The following KIF13B variants were observed in gnomAD, a reference collection of about 807,000 sequenced individuals.
KIF13B encodes the protein kinesin family member 13B.
In KIF13B, 127 loss-of-function variants were observed where a neutral mutation model predicts 222.0. The observed-to-expected ratio is 0.57, with a 90% CI of 0.50 to 0.66. The LOEUF (loss-of-function observed/expected upper bound fraction) is 0.66, where lower values mean the gene tolerates loss of function less well. Among genes scored for constraint, KIF13B ranks in the 30% least tolerant of loss-of-function variants. The pLI is 0.00. For missense variants in KIF13B, 2,173 were observed against 2,379.0 expected, an observed-to-expected ratio of 0.91 and a Z score of 1.80; for synonymous variants, 976 against 919.0, an observed-to-expected ratio of 1.06 and a Z score of -1.12.
chr8:29,123,363 T>C lies in KIF13B; in HGVS notation c.3479+3A>G. ...CTCACAAGACGCACCACAGGGTTCA[T>C]ACCATTCTGCTGGGGCCCCTGGAAT... On this transcript the variant is annotated splice_donor_region_variant and intron_variant, in intron 28 of 39. Coordinates refer to ENST00000524189, the MANE Select transcript of KIF13B (RefSeq NM_015254.4). The C allele has an allele frequency of 6.2e-7, 1 of 1,613,736 alleles. No homozygotes were observed. Among genetic ancestry groups the C allele is most frequent in the Non-Finnish European group, 8.5e-7 (1 of 1,179,880 alleles).
At chr8:29,168,810 C>T (rs747817056) in intron 10 of KIF13B, among the ~76,000 whole-genome samples, 22 of 152,202 alleles carry the variant, frequency 1.4e-4, no homozygotes, top group Non-Finnish European at 2.1e-4. Flanking sequence ...CACACGCACC[C>T]GGAGTCCTGA....
At chr8:29,100,473 GTTTTTT>G (rs879881712) in intron 35 of KIF13B, among the ~76,000 whole-genome samples, 2 of 145,874 alleles carry the variant, frequency 1.4e-5, no homozygotes, top group African/African-American at 5.0e-5. Flanking sequence ...TTAACTCGAG[GTTTTTT>G]TTTTTTGAGA....
In KIF13B at chr8:29,142,268, C is replaced by T; in HGVS notation, c.2223G>A (p.Val741=). 6.2e-7 allele frequency: 1 copy of T among 1,613,626 alleles called. No individual in the cohort carries two copies. Among genetic ancestry groups the T allele is most frequent in the South Asian group, 1.1e-5 (1 of 91,034 alleles). The part of the protein sequence containing the change: ...GSLLSEPAIQ[V]RRKGKGKQIW... ...TCTGCTTTCCTTTTCCTTTTCTTCTCACCTGGATTGCAGGCTCACTAAGAA... is the reference window on the plus strand; with the variant it reads ...TCTGCTTTCCTTTTCCTTTTCTTCTTACCTGGATTGCAGGCTCACTAAGAA... Residue 741 remains valine, a synonymous_variant, in exon 19 of 40, where the codon GTG becomes GTA. Coordinates refer to ENST00000524189, the MANE Select transcript of KIF13B (RefSeq NM_015254.4).
chr8:29,188,692 A>G, intron 4 of KIF13B, 85 bp from the exon 5 acceptor site: 1 of 817,230 alleles, frequency 1.2e-6, no homozygotes, highest in African/African-American at 1.7e-5. Flanking sequence ...AAATCTCAAA[A>G]ATGTATAATC....
intron 30 of KIF13B, 60 bp downstream of exon 30, chr8:29,118,808 T>A: frequency 6.3e-7 from 1 of 1,578,488 alleles, no homozygotes; most frequent in African/African-American, 1.4e-5. Context: ...TTCAAAAAGC[T>A]CGAGGAGAGG....
At chr8:29,127,513 A>G (rs528480802) in intron 24 of KIF13B, among the ~76,000 whole-genome samples, 1 of 152,362 alleles carries the variant, frequency 6.6e-6, no homozygotes, top group South Asian at 2.1e-4. Flanking sequence ...GTAACATTAA[A>G]AAATTCTAAG....
chr8:29,180,957 T>C (rs1812688690), intron 7 of KIF13B, among the ~76,000 whole-genome samples: 2 of 152,204 alleles, frequency 1.3e-5, no homozygotes, highest in South Asian at 4.1e-4. Flanking sequence ...AAAAGTCGAC[T>C]AGATGCTTCC....
intron 36 of KIF13B, 126 bp downstream of exon 36, chr8:29,099,007 G>A: frequency 1.3e-6 from 1 of 786,678 alleles, no homozygotes; most frequent in Non-Finnish European, 2.2e-6. Flanking sequence ...GTTAAGAGGA[G>A]AAATGAAACA....
chr8:29,258,170 C>T (rs1411075407), intron 1 of KIF13B, among the ~76,000 whole-genome samples: 4 of 152,186 alleles, frequency 2.6e-5, no homozygotes, highest in Non-Finnish European at 2.9e-5. Flanking sequence ...TCTCCTGTCC[C>T]TTCATTTCCT....
chr8:29,092,361 C>CA (rs1808338928), intron 37 of KIF13B, among the ~76,000 whole-genome samples: 1 of 152,154 alleles, frequency 6.6e-6, no homozygotes, highest in Admixed American at 6.5e-5. Context: ...GAGGGAAGGG[C>CA]ACTCATGATA....
In KIF13B at chr8:29,160,852, G is replaced by A; in HGVS notation, c.1285C>T (p.Leu429Phe). Residue 429 changes from leucine (L) to phenylalanine (F), a missense_variant, in exon 13 of 40, where the codon CTT becomes TTT. By Grantham distance (22) the Leu-to-Phe change is conservative. Transcript: ENST00000524189. Reference sequence around the variant, plus strand: ...TGAAGAGATATTCCAAGACTCTCAAGCTGTTTCTGTCGTTCCTGTAAATGT... The same window carrying A: ...TGAAGAGATATTCCAAGACTCTCAAACTGTTTCTGTCGTTCCTGTAAATGT... Reference protein sequence around the residue: ...EEIAQERQKQLESLGISLQSS... With the variant: ...EEIAQERQKQFESLGISLQSS... The A allele has an allele frequency of 5.0e-6, 8 of 1,613,350 alleles. No homozygotes were observed. Among genetic ancestry groups the A allele is most frequent in the Non-Finnish European group, 6.8e-6 (8 of 1,179,524 alleles).
In KIF13B at chr8:29,122,586, C is replaced by G. The variant is rs376089779; in HGVS notation, c.3535+5G>C. The G allele has an allele frequency of 6.2e-7, 1 of 1,607,714 alleles. No homozygotes were observed. Among genetic ancestry groups the G allele is most frequent in the Admixed American group, 1.7e-5 (1 of 59,292 alleles). On this transcript the variant is annotated splice_donor_5th_base_variant and intron_variant, in intron 29 of 39. Transcript: ENST00000524189. ...TAAGCCTTCAGAAAACACCTCCTAA[C>G]TTACCATTTAAGTCCAGGAATATAA... is the stretch of plus-strand genomic sequence containing the variant.
At chr8:29,178,316 C>A (rs1285854191) in intron 8 of KIF13B, among the ~76,000 whole-genome samples, 1 of 151,988 alleles carries the variant, frequency 6.6e-6, no homozygotes, top group East Asian at 1.9e-4. Context: ...ACAGAAGAAC[C>A]CCTCAAAATC....
intron 10 of KIF13B, among the ~76,000 whole-genome samples, chr8:29,174,646 G>A (rs1185017039): frequency 6.6e-6 from 1 of 152,060 alleles, no homozygotes; most frequent in Admixed American, 6.5e-5. Context: ...CTTTACAAGC[G>A]GTTTTAATTA....
chr8:29,244,245 C>T (rs1009383821), intron 2 of KIF13B, among the ~76,000 whole-genome samples: 4 of 152,208 alleles, frequency 2.6e-5, no homozygotes, highest in African/African-American at 7.2e-5. Flanking sequence ...GATCTCCTGA[C>T]CTCATGATCT....
At chr8:29,165,211 T>A (rs1811942412) in intron 12 of KIF13B, among the ~76,000 whole-genome samples, 1 of 152,158 alleles carries the variant, frequency 6.6e-6, no homozygotes, top group South Asian at 2.1e-4. Context: ...TCACCTCAGA[T>A]TTAGGAATTT....
At position 29,072,101 on chromosome 8, in the gene KIF13B, C is replaced by A; in HGVS notation, c.4737G>T (p.Ser1579=). ...FSHSVSTATL[S]DALGPGLDAA... ...CGTCCAGGCCGGGGCCCAGGGCGTC[C>A]GACAGGGTCGCGGTGGAGACGCTGT... The change falls in exon 39 of 40, where the codon TCG becomes TCT. Residue 1579 remains serine (S), a synonymous_variant. Coordinates refer to ENST00000524189, the MANE Select transcript of KIF13B (RefSeq NM_015254.4). The A allele has an allele frequency of 7.4e-7, 1 of 1,351,778 alleles. No homozygotes were observed. Among genetic ancestry groups the A allele is most frequent in the Non-Finnish European group, 9.5e-7 (1 of 1,049,212 alleles). The allele number at this position is 1,351,778 out of a possible 1,614,324, so 83.7% of individuals were successfully genotyped here. A position where few individuals can be genotyped will look rare whatever the true frequency, so the allele number is the denominator to read the frequency against.
In KIF13B at chr8:29,134,065, C is replaced by T. The variant is rs1418576149; in HGVS notation, c.2759G>A (p.Cys920Tyr). ...ATTGCAATGATCAAAGACAACCATG[C>T]AGTGCGGCTCCTTGCTGACGGAAGA... is the stretch of plus-strand genomic sequence containing the variant. ...SSSSVSKEPHCMVVFDHCNEF... is the reference protein window; with the variant it reads ...SSSSVSKEPHYMVVFDHCNEF... The change falls in exon 22 of 40, where the codon TGC (cysteine) becomes TAC (tyrosine). Residue 920 changes from cysteine (C) to tyrosine (Y), a missense_variant. Coordinates refer to ENST00000524189, the MANE Select transcript of KIF13B (RefSeq NM_015254.4). The T allele has an allele frequency of 1.2e-6, 2 of 1,613,774 alleles. No individual in the cohort carries two copies. The highest frequency in any genetic ancestry group is 8.5e-7 in the Non-Finnish European group (1 of 1,179,850).
intron 32 of KIF13B, among the ~76,000 whole-genome samples, chr8:29,111,306 T>G (rs996761654): frequency 2.6e-5 from 4 of 152,252 alleles, no homozygotes; most frequent in African/African-American, 9.6e-5. Context: ...ATTATCCTAA[T>G]TTTATAAGGA....
Sources: allele counts gnomAD v4.1 joint callset (sites outside exome capture counted in the v4.1 genomes callset), GRCh38; gene constraint gnomAD v4.1.1; transcripts MANE v1.5; gene names NCBI Gene and HGNC (gene_info 2026-07-23, HGNC 2026-07-21).